The following RYR2 variants were observed in gnomAD, a reference collection of about 807,000 sequenced individuals.
RYR2 encodes ryanodine receptor 2, also known as cardiac muscle ryanodine receptor-calcium release channel.
In RYR2, 227 loss-of-function variants were observed where a neutral mutation model predicts 601.1. The observed-to-expected ratio is 0.38, with a 90% CI of 0.34 to 0.42. The LOEUF is 0.42. Ranked by LOEUF, RYR2 falls within the 10% of genes least tolerant of loss-of-function variation. RYR2 has a pLI of 1.00. For missense variants in RYR2, 4,646 were observed against 6,156.5 expected (o/e 0.75, Z 8.21); for synonymous variants, 2,223 against 2,175.1 (o/e 1.02, Z -0.61).
chr1:237,631,528 G>A lies in RYR2; in HGVS notation c.6542G>A (p.Gly2181Asp). Reference sequence around the variant, plus strand: ...GAGGTCATGGTGAACGTCCTTGGAGGTGGAGAGTCCAAGGTAACGTCTTTG... The same window carrying A: ...GAGGTCATGGTGAACGTCCTTGGAGATGGAGAGTCCAAGGTAACGTCTTTG... ...VMEVMVNVLG[G>D]GESKEITFPK... The change falls in exon 42 of 105, where the codon GGT becomes GAT. Residue 2181 changes from glycine (G) to aspartate (D), a missense_variant. Physicochemically the swap from Gly to Asp is moderately conservative, Grantham distance 94. Around this residue, in one of 17 missense-constraint regions of RYR2, gnomAD observed 137 missense variants for 273.6 expected, o/e 0.50. Transcript: ENST00000366574. The A allele has an allele frequency of 6.2e-7, 1 of 1,608,604 alleles. No individual in the cohort carries two copies. Among genetic ancestry groups the A allele is most frequent in the Non-Finnish European group, 8.5e-7 (1 of 1,176,472 alleles).
At chr1:237,467,116 TTAGA>T (rs1182347332) in intron 16 of RYR2, among the ~76,000 whole-genome samples, 2 of 148,696 alleles carry the variant, frequency 1.3e-5, no homozygotes, top group Non-Finnish European at 3.0e-5. Context: ...ATATATAATT[TTAGA>T]TAGATAATAT....
At chr1:237,678,277 T>C (rs1685573897) in intron 61 of RYR2, among the ~76,000 whole-genome samples, 165 bp downstream of exon 61, 1 of 152,234 alleles carries the variant, frequency 6.6e-6, no homozygotes, top group African/African-American at 2.4e-5. Context: ...CTTCCCAGCA[T>C]TCTTGGTCAG....
At chr1:237,380,392 A>AG (rs1558718100) in intron 8 of RYR2, among the ~76,000 whole-genome samples, 4 of 35,152 alleles carry the variant, frequency 1.1e-4, no homozygotes, top group Non-Finnish European at 1.7e-4. Context: ...ATATATATAT[A>AG]TATATATATA....
chr1:237,652,555 T>TG (rs1410800445), intron 51 of RYR2, among the ~76,000 whole-genome samples: 1 of 152,212 alleles, frequency 6.6e-6, no homozygotes, highest in African/African-American at 2.4e-5. Flanking sequence ...TAAGCATCCC[T>TG]GGATATTTAG....
At chr1:237,133,042 A>T (rs1672322174) in intron 1 of RYR2, among the ~76,000 whole-genome samples, 1 of 152,196 alleles carries the variant, frequency 6.6e-6, no homozygotes, top group Non-Finnish European at 1.5e-5. Context: ...GCTGATTGAC[A>T]TGCTCTGGGT....
chr1:237,566,424 G>A, intron 27 of RYR2, 143 bp from the exon 28 acceptor site: 1 of 851,150 alleles, frequency 1.2e-6, no homozygotes, highest in Non-Finnish European at 1.8e-6. Flanking sequence ...TGGGAAAGAA[G>A]ATAAGAAGGT....
chr1:237,552,924 C>T (rs935490995), intron 27 of RYR2, among the ~76,000 whole-genome samples: 6 of 151,600 alleles, frequency 4.0e-5, no homozygotes, highest in African/African-American at 9.7e-5. Flanking sequence ...GTATAATTAC[C>T]GAGGCATATT....
At chr1:237,568,604 A>G (rs1672338540) in intron 28 of RYR2, among the ~76,000 whole-genome samples, 1 of 152,186 alleles carries the variant, frequency 6.6e-6, no homozygotes, top group African/African-American at 2.4e-5. Flanking sequence ...TACTTTTAGT[A>G]TGTAACTGAA....
At chr1:237,337,404 AT>A (rs541065006) in intron 3 of RYR2, among the ~76,000 whole-genome samples, 19 of 152,236 alleles carry the variant, frequency 1.2e-4, no homozygotes, top group Admixed American at 2.6e-4. Context: ...CACACAAGTA[AT>A]TGCATCTAAG....
At chr1:237,618,596 A>G (rs968493149) in intron 38 of RYR2, among the ~76,000 whole-genome samples, 5 of 152,200 alleles carry the variant, frequency 3.3e-5, no homozygotes, top group African/African-American at 1.2e-4. Context: ...AAGCTGCAAC[A>G]AAAGCCTCCT....
intron 2 of RYR2, among the ~76,000 whole-genome samples, chr1:237,309,767 G>A (rs538272396): frequency 6.5e-4 from 99 of 152,278 alleles, no homozygotes; most frequent in Middle Eastern, 3.4e-3. Context: ...CCCGTGCCCT[G>A]CCCTGCGGGG....
chr1:237,329,110 A>G (rs1352415476), intron 2 of RYR2, among the ~76,000 whole-genome samples: 2 of 152,224 alleles, frequency 1.3e-5, no homozygotes, highest in African/African-American at 4.8e-5. Flanking sequence ...AAACATTTCC[A>G]TAAACTGAAA....
intron 101 of RYR2, among the ~76,000 whole-genome samples, chr1:237,822,940 G>T (rs1321586257): frequency 2.0e-5 from 3 of 152,004 alleles, no homozygotes; most frequent in Non-Finnish European, 1.5e-5. Flanking sequence ...AGAGACAAGG[G>T]CATTACATAA....
chr1:237,599,616 T>C (rs1394220115), intron 34 of RYR2, among the ~76,000 whole-genome samples: 6 of 151,238 alleles, frequency 4.0e-5, no homozygotes, highest in Non-Finnish European at 5.9e-5. Context: ...AGGTCAGGAG[T>C]TCTAGACCAG....
At chr1:237,094,113 G>C (rs562330696) in intron 1 of RYR2, among the ~76,000 whole-genome samples, 4 of 152,352 alleles carry the variant, frequency 2.6e-5, no homozygotes, top group African/African-American at 9.6e-5. Context: ...CGACCTCTGT[G>C]CCTTTGCACA....
intron 1 of RYR2, among the ~76,000 whole-genome samples, chr1:237,102,551 A>T (rs1668230594): frequency 6.6e-6 from 1 of 152,144 alleles, no homozygotes; most frequent in Non-Finnish European, 1.5e-5. Context: ...CCCTGAGAGA[A>T]TGAGATTTTA....
chr1:237,830,723 T>C, intron 103 of RYR2, 93 bp downstream of exon 103: 1 of 658,338 alleles, frequency 1.5e-6, no homozygotes. Flanking sequence ...TTGTTTATTG[T>C]TTAAAAAATA....
At chr1:237,552,321 T>C (rs1266781905) in intron 27 of RYR2, among the ~76,000 whole-genome samples, 1 of 152,146 alleles carries the variant, frequency 6.6e-6, no homozygotes, top group African/African-American at 2.4e-5. Flanking sequence ...CCCTCAAAGC[T>C]AATTAGTTCT....
chr1:237,732,136 T>C lies in RYR2; in HGVS notation c.11026T>C (p.Leu3676=). 4 of 1,606,834 alleles carry C rather than the reference T, an allele frequency of 2.5e-6. No homozygotes were observed. The highest frequency in any genetic ancestry group is 3.4e-6 in the Non-Finnish European group (4 of 1,174,110). ...QLILLFSRTA[L]TEKCKLEEDF... ...GATCCTTCTGTTTAGTCGGACAGCT[T>C]TAACAGAGAAATGGTATGGTTGGGA... Residue 3676 remains leucine (L), a synonymous_variant, in exon 78 of 105, where the codon TTA becomes CTA. Transcript: ENST00000366574.
Sources: allele counts gnomAD v4.1 joint callset (sites outside exome capture counted in the v4.1 genomes callset), GRCh38; gene constraint gnomAD v4.1.1; regional missense constraint gnomAD v4.1.1; transcripts MANE v1.5; gene names NCBI Gene and HGNC (gene_info 2026-07-23, HGNC 2026-07-21).